GDAP1: variants seen among roughly 807,000 people sequenced by gnomAD.
GDAP1 encodes ganglioside induced differentiation associated protein 1, also known as ganglioside-induced differentiation-associated protein 1.
GDAP1 carries 34 observed loss-of-function variants against 40.1 expected under a neutral mutation model. That is an observed-to-expected ratio of 0.85 (90% CI 0.64 to 1.13). The LOEUF (loss-of-function observed/expected upper bound fraction) is 1.13, where lower values mean the gene tolerates loss of function less well. Among genes scored for constraint, GDAP1 ranks in the 50% most tolerant of loss-of-function variants. GDAP1 has a pLI of 0.00. For synonymous variants in GDAP1, 170 were observed against 157.4 expected (o/e 1.08, Z -0.60); for missense variants, 374 against 433.7 (o/e 0.86, Z 1.22).
Position 74,360,138 on chromosome 8 carries a change from A to T in GDAP1, c.312A>T (p.Glu104Asp). The T allele has an allele frequency of 1.2e-6, 2 of 1,611,330 alleles. No individual in the cohort carries two copies. The highest frequency in any genetic ancestry group is 1.7e-6 in the Non-Finnish European group (2 of 1,177,516). The change falls in exon 3 of 6, where the codon GAA (glutamate) becomes GAT (aspartate). Residue 104 changes from glutamate to aspartate, a missense_variant and splice_region_variant. Transcript: ENST00000220822. ...AATATTTGTGTGTGTGTATTTTAGAAAGAACACCCAGGTTAATGCCTGATA... is the reference window on the plus strand; with the variant it reads ...AATATTTGTGTGTGTGTATTTTAGATAGAACACCCAGGTTAATGCCTGATA... ...IDYLEQTFLD[E>D]RTPRLMPDKE...
Position 74,399,851 on chromosome 8 carries a change from T to A in GDAP1, c.165+48530T>A, listed in dbSNP as rs1326953304. Among the ~76,000 whole-genome samples the A allele has an allele frequency of 2.1e-5, 3 of 141,476 alleles. 1 individual carries two copies. The highest frequency in any genetic ancestry group is 9.0e-5 in the African/African-American group (3 of 33,232). The allele number at this position is 141,476 out of a possible 152,430, so 92.8% of individuals were successfully genotyped here. A position where few individuals can be genotyped will look rare whatever the true frequency, so the allele number is the denominator to read the frequency against. On this transcript the variant is annotated intron_variant, in intron 2 of 2. Coordinates refer to the GDAP1 transcript ENST00000523640. The stretch of plus-strand genomic sequence containing the variant: ...GCAGGTTGTTCAGTTTCCATGTAGT[T>A]GAGCGGTTTTGAGTGAGTTTCTTAA...
intron 2 of GDAP1, among the ~76,000 whole-genome samples, chr8:74,356,702 G>GTATA (rs1165545008): frequency 0.015 from 991 of 68,144 alleles, 32 homozygotes; most frequent in African/African-American, 0.052. Context: ...TTGTGTGTGT[G>GTATA]TATATATATA....
chr8:74,397,120 T>G (rs995441683), intron 2 of GDAP1, among the ~76,000 whole-genome samples: 12 of 152,190 alleles, frequency 7.9e-5, no homozygotes, highest in African/African-American at 2.7e-4. Flanking sequence ...TGGTGAGCAT[T>G]TTTTCATGTA....
chr8:74,384,295 A>T (rs1398321203), intron 2 of GDAP1, among the ~76,000 whole-genome samples: 1 of 152,148 alleles, frequency 6.6e-6, no homozygotes, highest in Non-Finnish European at 1.5e-5. Flanking sequence ...TACAATTTTT[A>T]AAAATTCTTC....
At chr8:74,408,267 G>T (rs772833247) in intron 2 of GDAP1, among the ~76,000 whole-genome samples, 17 of 150,108 alleles carry the variant, frequency 1.1e-4, no homozygotes, top group Non-Finnish European at 1.5e-5. Context: ...TATTTCTATG[G>T]TGGTTTGAAT....
At chr8:74,368,014 C>A (rs749462420), downstream of GDAP1, among the ~76,000 whole-genome samples, 5 of 152,142 alleles carry the variant, frequency 3.3e-5, no homozygotes, top group Non-Finnish European at 7.4e-5. Context: ...GTATCTATTT[C>A]ATTCACATTA....
intron 2 of GDAP1, among the ~76,000 whole-genome samples, chr8:74,400,202 A>G (rs1036319536): frequency 4.0e-5 from 6 of 149,496 alleles, no homozygotes; most frequent in African/African-American, 1.5e-4. Flanking sequence ...TTTGTATGTC[A>G]CTCAGGACTT....
chr8:74,463,259 C>CTTAG (rs1457909009), intron 2 of GDAP1, among the ~76,000 whole-genome samples: 2 of 141,048 alleles, frequency 1.4e-5, no homozygotes, highest in East Asian at 4.2e-4. Context: ...TGAGACCAGC[C>CTTAG]TTAGGAACAT....
At chr8:74,372,041 A>G (rs1809763545) in intron 2 of GDAP1, among the ~76,000 whole-genome samples, 2 of 150,876 alleles carry the variant, frequency 1.3e-5, no homozygotes, top group Non-Finnish European at 2.9e-5. Context: ...TCCTTGCGAT[A>G]GTTTGCTGAG....
At chr8:74,468,483 AC>A (rs1806501867) in intron 2 of GDAP1, among the ~76,000 whole-genome samples, 1 of 26,436 alleles carries the variant, frequency 3.8e-5, no homozygotes. Flanking sequence ...CCCCATACAC[AC>A]ACACACACAC....
At chr8:74,409,187 T>G (rs1805677587) in intron 2 of GDAP1, among the ~76,000 whole-genome samples, 1 of 150,172 alleles carries the variant, frequency 6.7e-6, no homozygotes, top group Non-Finnish European at 1.5e-5. Flanking sequence ...TCGTTTAATG[T>G]TCTCTTTCCC....
At chr8:74,442,270 G>A (rs1406612188) in intron 2 of GDAP1, among the ~76,000 whole-genome samples, 2 of 152,216 alleles carry the variant, frequency 1.3e-5, no homozygotes, top group African/African-American at 4.8e-5. Flanking sequence ...AGCAACCCAT[G>A]TTTACTTCCA....
chr8:74,399,979 C>G lies in GDAP1; in HGVS notation c.165+48658C>G, dbSNP rs1810293950. 1.4e-5 allele frequency among the ~76,000 whole-genome samples: 2 copies of G among 141,940 alleles called. 1 individual carries two copies. The highest frequency in any genetic ancestry group is 5.9e-5 in the African/African-American group (2 of 33,878). 93.1% of individuals were successfully genotyped at this position (141,940 alleles called of 152,430 possible). The stretch of plus-strand genomic sequence containing the variant: ...AGAGCTTTACTTCCAAGTATGTGGT[C>G]AATTTTGGAATAGGTGTGGTGTGGT... On this transcript the variant is annotated intron_variant, in intron 2 of 2. Coordinates refer to the GDAP1 transcript ENST00000523640.
At chr8:74,373,198 C>T (rs1809785738) in intron 2 of GDAP1, among the ~76,000 whole-genome samples, 1 of 152,110 alleles carries the variant, frequency 6.6e-6, no homozygotes, top group East Asian at 1.9e-4. Context: ...CATGATGCCT[C>T]CAGCTTTGTT....
chr8:74,468,425 T>G (rs1806500462), intron 2 of GDAP1, among the ~76,000 whole-genome samples: 1 of 151,606 alleles, frequency 6.6e-6, no homozygotes, highest in African/African-American at 2.4e-5. Flanking sequence ...TTCCATTGAT[T>G]TAATAAATTT....
chr8:74,479,052 T>C (rs1213821412), intron 2 of GDAP1, among the ~76,000 whole-genome samples: 2 of 152,208 alleles, frequency 1.3e-5, no homozygotes, highest in Non-Finnish European at 2.9e-5. Context: ...CGTGGTCCCT[T>C]AGTGGAAGAT....
intron 2 of GDAP1, among the ~76,000 whole-genome samples, chr8:74,463,258 C>G (rs560098778): frequency 4.3e-5 from 6 of 141,152 alleles, no homozygotes; most frequent in Non-Finnish European, 9.1e-5. Flanking sequence ...TTGAGACCAG[C>G]CTTAGGAACA....
chr8:74,450,602 C>G (rs1806289774), intron 2 of GDAP1, among the ~76,000 whole-genome samples: 1 of 151,838 alleles, frequency 6.6e-6, no homozygotes, highest in African/African-American at 2.4e-5. Context: ...GATGTAACCA[C>G]TTCAGTTTCC....
At chr8:74,462,405 T>C (rs1242386297) in intron 2 of GDAP1, among the ~76,000 whole-genome samples, 1 of 152,236 alleles carries the variant, frequency 6.6e-6, no homozygotes, top group African/African-American at 2.4e-5. Flanking sequence ...AATGACTTAA[T>C]TCAACAAATA....
Sources: allele counts gnomAD v4.1 joint callset (sites outside exome capture counted in the v4.1 genomes callset), GRCh38; gene constraint gnomAD v4.1.1; transcripts MANE v1.5; gene names NCBI Gene and HGNC (gene_info 2026-07-23, HGNC 2026-07-21).